Variants in CD302 observed in about 807,000 individuals in gnomAD.
CD302 encodes the protein CD302 molecule.
CD302 carries 23 observed loss-of-function variants against 26.5 expected under a neutral mutation model. The observed-to-expected ratio is 0.87, with a 90% CI of 0.62 to 1.23. CD302 has a LOEUF of 1.23. Among genes scored for constraint, CD302 ranks in the 50% most tolerant of loss-of-function variants. The probability of loss-of-function intolerance (pLI) is 0.00; values close to 1 mark genes in which losing one functional copy is unlikely to be tolerated. For missense variants in CD302, 290 were observed against 275.5 expected, an observed-to-expected ratio of 1.05 and a Z score of -0.37; for synonymous variants, 90 against 99.4, an observed-to-expected ratio of 0.91 and a Z score of 0.56.
At chr2:159,777,852 AAG>A (rs1223183947) in intron 5 of CD302, 84 bp downstream of exon 5, 8 of 648,606 alleles carry the variant, frequency 1.2e-5, no homozygotes, top group Non-Finnish European at 1.9e-5. Flanking sequence ...TAATTTTAAA[AAG>A]GGATCTGTAA....
chr2:159,773,780 A>G (rs1574484533), intron 5 of CD302, among the ~76,000 whole-genome samples: 1 of 152,216 alleles, frequency 6.6e-6, no homozygotes, highest in Non-Finnish European at 1.5e-5. Context: ...TAGGAAATGT[A>G]TTATCTACCT....
rs569964624 is a variant in CD302 at position 159,783,706 on chromosome 2, T to TAC, written c.68-239_68-238dup. Among the ~76,000 whole-genome samples, 690 of 152,306 alleles carry TAC rather than the reference T, an allele frequency of 4.5e-3. 10 individuals carry two copies. The highest frequency in any genetic ancestry group is 0.016 in the South Asian group (78 of 4,826). On this transcript the variant is annotated intron_variant, in intron 1 of 5. Coordinates refer to ENST00000259053, the MANE Select transcript of CD302 (RefSeq NM_014880.5). ...CTCTTCTGACTTTACAGAGCAAAGA[T>TAC]ACAAGTTTTTAGGTTGTTTAGGAAT...
chr2:159,785,063 C>T (rs1708630760), intron 1 of CD302, among the ~76,000 whole-genome samples: 1 of 151,232 alleles, frequency 6.6e-6, no homozygotes, highest in South Asian at 2.1e-4. Context: ...CAACCTCCGC[C>T]TCCCAGGCTC....
intron 1 of CD302, among the ~76,000 whole-genome samples, chr2:159,786,753 A>G (rs994844585): frequency 6.6e-6 from 1 of 152,228 alleles, no homozygotes; most frequent in Admixed American, 6.5e-5. Flanking sequence ...GCAATGCACA[A>G]GTCATAAATA....
At chr2:159,777,821 A>G in intron 5 of CD302, 117 bp downstream of exon 5, 1 of 476,580 alleles carries the variant, frequency 2.1e-6, no homozygotes, top group Non-Finnish European at 3.6e-6. Flanking sequence ...TCTTATAAAA[A>G]TTGTTCTACT....
intron 5 of CD302, among the ~76,000 whole-genome samples, chr2:159,776,099 G>A (rs564199299): frequency 2.1e-5 from 3 of 142,604 alleles, no homozygotes; most frequent in South Asian, 2.3e-4. Context: ...GTGATCCACC[G>A]GTCTCAGCCT....
In CD302 at chr2:159,773,865, TAAAG is replaced by T. The variant is rs1395973208; in HGVS notation, c.497-1816_497-1813del. Among the ~76,000 whole-genome samples, 4 of 152,320 alleles carry T rather than the reference TAAAG, an allele frequency of 2.6e-5. No individual in the cohort carries two copies. In the East Asian group the frequency reaches 7.7e-4, roughly 29 times the overall value. On this transcript the variant is annotated intron_variant, in intron 5 of 5. Transcript: ENST00000259053. ...ATTTACCATGAAATCCTGTTTTTTTTAAAGAAACAAAATTTAGGAAAAATACTTT... is the reference window on the plus strand; with the variant it reads ...ATTTACCATGAAATCCTGTTTTTTTTAAACAAAATTTAGGAAAAATACTTT...
At chr2:159,787,354 T>C (rs576861977) in intron 1 of CD302, among the ~76,000 whole-genome samples, 1 of 152,300 alleles carries the variant, frequency 6.6e-6, no homozygotes, top group South Asian at 2.1e-4. Flanking sequence ...ATATCTACCA[T>C]CTTAATATTT....
chr2:159,787,486 T>G (rs1708699472), intron 1 of CD302, among the ~76,000 whole-genome samples: 1 of 152,162 alleles, frequency 6.6e-6, no homozygotes, highest in African/African-American at 2.4e-5. Context: ...CTTTAATTTT[T>G]TTTCTGTAGT....
chr2:159,773,116 G>C (rs1333425344), intron 5 of CD302, among the ~76,000 whole-genome samples: 1 of 152,220 alleles, frequency 6.6e-6, no homozygotes, highest in Non-Finnish European at 1.5e-5. Context: ...CCTTCTGGGT[G>C]CCAGGGATTC....
rs1346070175 is a variant in CD302, at chr2:159,771,707, G to C, written c.*144C>G. 3.2e-6 allele frequency: 3 copies of C among 925,722 alleles called. No individual in the cohort carries two copies. Among genetic ancestry groups the C allele is most frequent in the African/African-American group, 3.4e-5 (2 of 59,516 alleles). The allele number at this position is 925,722 out of a possible 1,614,324, so 57.3% of individuals were successfully genotyped here. On this transcript the variant is annotated 3_prime_UTR_variant, in exon 6 of 6. Transcript: ENST00000259053. ...TTAATGAACCTAAAGACTTTTCACA[G>C]CAGATGAGTACATAAAAATGTTACT... is the stretch of plus-strand genomic sequence containing the variant.
At chr2:159,787,340 G>T (rs930781682) in intron 1 of CD302, among the ~76,000 whole-genome samples, 1 of 151,970 alleles carries the variant, frequency 6.6e-6, no homozygotes, top group Admixed American at 6.6e-5. Flanking sequence ...ATGAATTGGA[G>T]TTTATATCTA....
chr2:159,794,306 A>AAAATAAAATAAAATAATAAT (rs1560052350), intron 1 of CD302, among the ~76,000 whole-genome samples: 2 of 8,952 alleles, frequency 2.2e-4, no homozygotes, highest in Non-Finnish European at 6.4e-4. Context: ...ATAAAATAAT[A>AAAATAAAATAAAATAATAAT]AAAAAAAAAA....
At chr2:159,788,133 G>A (rs6721269) in intron 1 of CD302, among the ~76,000 whole-genome samples, 9,620 of 151,854 alleles carry the variant, frequency 0.063, 987 homozygotes, top group African/African-American at 0.22. Flanking sequence ...AAGAAAAAAG[G>A]TCTTTATACT....
chr2:159,777,633 A>T (rs1232630792), intron 5 of CD302, among the ~76,000 whole-genome samples: 1 of 152,324 alleles, frequency 6.6e-6, no homozygotes, highest in East Asian at 1.9e-4. Flanking sequence ...AAACAAGAGA[A>T]TGGACAATAT....
chr2:159,796,992 T>G (rs889170269), intron 1 of CD302, among the ~76,000 whole-genome samples: 2 of 152,174 alleles, frequency 1.3e-5, no homozygotes, highest in African/African-American at 4.8e-5. Flanking sequence ...GTTCCCAGTC[T>G]GAACAATGTG....
chr2:159,798,141 C>T lies in CD302; in HGVS notation c.58G>A (p.Ala20Thr). The T allele has an allele frequency of 6.7e-7, 1 of 1,486,224 alleles. No homozygotes were observed. The highest frequency in any genetic ancestry group is 8.9e-7 in the Non-Finnish European group (1 of 1,123,904). 92.1% of individuals were successfully genotyped at this position (1,486,224 alleles called of 1,614,324 possible). ...CTACGTAAGGGCTTACCCGCGACGG[C>T]AGCAGCGGCGAGGCCCAGCAACGGC... ...LLPLLGLAAAAVADCPSSTWI... is the reference protein window; with the variant it reads ...LLPLLGLAAATVADCPSSTWI... Residue 20 changes from alanine (A) to threonine (T), a missense_variant, in exon 1 of 6, where the codon GCC becomes ACC. Coordinates refer to ENST00000259053, the MANE Select transcript of CD302 (RefSeq NM_014880.5).
In CD302 at chr2:159,794,521, A is replaced by ATTT. The variant is rs1560052482; in HGVS notation, c.67+3610_67+3611insAAA. On this transcript the variant is annotated intron_variant, in intron 1 of 5. Coordinates refer to ENST00000259053, the MANE Select transcript of CD302 (RefSeq NM_014880.5). ...AAACATTAACATTTCAAAATTAATTAATTTATTTATTTATTTATTTATTTA... is the reference window on the plus strand; with the variant it reads ...AAACATTAACATTTCAAAATTAATTATTTATTTATTTATTTATTTATTTATTTA... 6.0e-4 allele frequency among the ~76,000 whole-genome samples: 15 copies of ATTT among 25,040 alleles called. No homozygotes were observed. In the South Asian group the frequency reaches 0.014, roughly 23 times the overall value. The allele number at this position is 25,040 out of a possible 152,430, so 16.4% of individuals were successfully genotyped here. A position where few individuals can be genotyped will look rare whatever the true frequency, so the allele number is the denominator to read the frequency against.
chr2:159,789,781 G>A (rs2042782), intron 1 of CD302, among the ~76,000 whole-genome samples: 88,202 of 151,958 alleles, frequency 0.58, 25,911 homozygotes, highest in Admixed American at 0.68. Context: ...TCTTTGGTGA[G>A]CTAAGACTCA....
Sources: allele counts gnomAD v4.1 joint callset (sites outside exome capture counted in the v4.1 genomes callset), GRCh38; gene constraint gnomAD v4.1.1; transcripts MANE v1.5; gene names NCBI Gene and HGNC (gene_info 2026-07-23, HGNC 2026-07-21).